WLS: variants seen among roughly 807,000 people sequenced by gnomAD.
WLS encodes the protein Wnt ligand secretion mediator.
WLS carries 23 observed loss-of-function variants against 62.8 expected under a neutral mutation model. The ratio of observed to expected loss-of-function variants is 0.37; its 90% CI spans 0.26 to 0.52. The LOEUF is 0.52. Ranked by LOEUF, WLS falls within the 20% of genes least tolerant of loss-of-function variation. WLS has a pLI of 0.92. For missense variants in WLS, 615 were observed against 697.3 expected (o/e 0.88, Z 1.33); for synonymous variants, 246 against 244.1 (o/e 1.01, Z -0.07).
rs533117198 is a variant in WLS, at chr1:68,162,799, G to C, written c.380-3552C>G. 1.7e-5 allele frequency: 20 copies of C among 1,151,798 alleles called. No individual in the cohort carries two copies. The African/African-American group carries it at 2.4e-4, about 14-fold the overall frequency. 71.3% of individuals were successfully genotyped at this position (1,151,798 alleles called of 1,614,324 possible). On this transcript the variant is annotated intron_variant, in intron 2 of 11. Transcript: ENST00000262348. Reference sequence around the variant, plus strand: ...ACTGCCTATCTGCACGATCACTCTCGGGGCCTTAAACTTTTCTAGGTCCTC... The same window carrying C: ...ACTGCCTATCTGCACGATCACTCTCCGGGCCTTAAACTTTTCTAGGTCCTC...
chr1:68,153,381 G>T, intron 5 of WLS, 136 bp downstream of exon 5: 1 of 1,179,494 alleles, frequency 8.5e-7, no homozygotes, highest in Non-Finnish European at 1.2e-6. Context: ...AGAAAAAGGA[G>T]TCCAGGATGA....
chr1:68,114,723 C>G (rs1211621809), intron 11 of WLS, among the ~76,000 whole-genome samples: 1 of 152,246 alleles, frequency 6.6e-6, no homozygotes, highest in Non-Finnish European at 1.5e-5. Context: ...GAGAGACTTG[C>G]TCAGAGCCCC....
At chr1:68,174,417 T>A (rs1382259823) in intron 2 of WLS, among the ~76,000 whole-genome samples, 1 of 152,180 alleles carries the variant, frequency 6.6e-6, no homozygotes, top group East Asian at 1.9e-4. Context: ...AGGACATTCC[T>A]CGAGTTGGGC....
chr1:68,149,930 G>C (rs1646803671), intron 6 of WLS, among the ~76,000 whole-genome samples: 1 of 152,178 alleles, frequency 6.6e-6, no homozygotes, highest in African/African-American at 2.4e-5. Flanking sequence ...CCATGCAGTA[G>C]GTCTTTACAT....
At chr1:68,105,030 G>T (rs113974751) in intron 11 of WLS, among the ~76,000 whole-genome samples, 1 of 152,316 alleles carries the variant, frequency 6.6e-6, no homozygotes, top group South Asian at 2.1e-4. Context: ...CATAGTTGAT[G>T]TATCTATGTG....
chr1:68,150,086 G>A, intron 6 of WLS, 102 bp downstream of exon 6: 1 of 1,254,530 alleles, frequency 8.0e-7, no homozygotes, highest in East Asian at 2.3e-5. Flanking sequence ...AGTTTATTCT[G>A]TCTCACCCAC....
At chr1:68,156,360 A>G (rs1247428487) in intron 3 of WLS, among the ~76,000 whole-genome samples, 2 of 152,228 alleles carry the variant, frequency 1.3e-5, no homozygotes, top group African/African-American at 4.8e-5. Flanking sequence ...GCAAAGATCC[A>G]CTGAAGAAGT....
chr1:68,168,510 G>A (rs1647096138), intron 2 of WLS, among the ~76,000 whole-genome samples: 1 of 152,132 alleles, frequency 6.6e-6, no homozygotes, highest in South Asian at 2.1e-4. Flanking sequence ...GGGTGGCTGG[G>A]TTATATTGTT....
chr1:68,119,623 C>T (rs963017716), intron 11 of WLS, among the ~76,000 whole-genome samples: 21 of 152,216 alleles, frequency 1.4e-4, no homozygotes, highest in African/African-American at 1.7e-4. Context: ...GAGGCCCTGG[C>T]CGTGCACCTT....
At position 68,224,632 on chromosome 1, in the gene WLS, C is replaced by T. The variant is rs142860994; in HGVS notation, c.106+7562G>A. 4.5e-4 allele frequency among the ~76,000 whole-genome samples: 69 copies of T among 152,252 alleles called. 2 individuals carry two copies. The highest frequency in any genetic ancestry group is 1.6e-4 in the Non-Finnish European group (11 of 68,020). ...CCCTAGCATGGCCCAGAAACACTGC[C>T]AATATTTACAATGGCTGGTGTAGGC... On this transcript the variant is annotated intron_variant, in intron 1 of 11. Transcript: ENST00000262348.
At chr1:68,108,811 T>C (rs191792052) in intron 11 of WLS, among the ~76,000 whole-genome samples, 1 of 152,258 alleles carries the variant, frequency 6.6e-6, no homozygotes, top group African/African-American at 2.4e-5. Context: ...TTGAGAGCTT[T>C]TCTTATGGGG....
chr1:68,110,824 G>C (rs914988080), intron 11 of WLS, among the ~76,000 whole-genome samples: 1 of 151,978 alleles, frequency 6.6e-6, no homozygotes, highest in Non-Finnish European at 1.5e-5. Context: ...ATGGTGCTGA[G>C]AGCATTAGTT....
intron 8 of WLS, among the ~76,000 whole-genome samples, chr1:68,147,782 A>C (rs1038262932): frequency 3.9e-5 from 6 of 152,234 alleles, no homozygotes; most frequent in Admixed American, 1.3e-4. Context: ...AGGCTCTTCC[A>C]CAGGGGCCCA....
chr1:68,227,795 G>A (rs1650226577), intron 1 of WLS, among the ~76,000 whole-genome samples: 1 of 152,066 alleles, frequency 6.6e-6, no homozygotes, highest in South Asian at 2.1e-4. Context: ...CCCAAATACT[G>A]AAGGATTACA....
At chr1:68,230,157 A>G (rs996910748) in intron 1 of WLS, among the ~76,000 whole-genome samples, 58 of 152,112 alleles carry the variant, frequency 3.8e-4, no homozygotes, top group African/African-American at 1.1e-3. Context: ...TAGGAAGCCT[A>G]CTTCTTGGAT....
chr1:68,204,953 T>G (rs1001739833), intron 1 of WLS, among the ~76,000 whole-genome samples: 1 of 152,256 alleles, frequency 6.6e-6, no homozygotes, highest in Non-Finnish European at 1.5e-5. Context: ...AACTTAAACA[T>G]GCAAGTCCTC....
At chr1:68,112,165 A>G (rs1646236410) in intron 11 of WLS, among the ~76,000 whole-genome samples, 1 of 152,214 alleles carries the variant, frequency 6.6e-6, no homozygotes, top group Non-Finnish European at 1.5e-5. Flanking sequence ...CTCTGGGAGA[A>G]GGCAGCCCAT....
intron 2 of WLS, among the ~76,000 whole-genome samples, chr1:68,193,481 A>T: frequency 7.3e-6 from 1 of 136,814 alleles, no homozygotes. Context: ...ATGGGTGCTC[A>T]TGGGTTGGCA....
At chr1:68,226,076 T>C (rs1650126857) in intron 1 of WLS, among the ~76,000 whole-genome samples, 1 of 152,238 alleles carries the variant, frequency 6.6e-6, no homozygotes, top group South Asian at 2.1e-4. Context: ...TTTGGGTCTG[T>C]ACAGCTGGAC....
Sources: gnomAD v4.1 joint callset for allele counts (sites outside exome capture counted in the v4.1 genomes callset) on GRCh38, gnomAD v4.1.1 for gene constraint, MANE v1.5 for transcripts, NCBI Gene and HGNC (gene_info 2026-07-23, HGNC 2026-07-21) for gene names.